The following RTL4 variants were observed in gnomAD, a reference collection of about 807,000 sequenced individuals.
RTL4 encodes retrotransposon Gag like 4.
RTL4 carries 4 observed loss-of-function variants against 5.3 expected under a neutral mutation model. That is an observed-to-expected ratio of 0.75 (90% CI 0.37 to 1.72). The LOEUF (loss-of-function observed/expected upper bound fraction) is 1.72. Among genes scored for constraint, RTL4 ranks in the 40% most tolerant of loss-of-function variants. The pLI is 0.04. For synonymous variants in RTL4, 98 were observed against 87.3 expected (o/e 1.12, Z -0.68); for missense variants, 260 against 227.1 (o/e 1.14, Z -0.93).
chrX:112,421,313 G>T, the RTL4 span, among the ~76,000 whole-genome samples: 1 of 111,525 alleles, frequency 9.0e-6, no homozygotes, highest in Non-Finnish European at 1.9e-5. Flanking sequence ...AGGATAATTT[G>T]TACAAATGTA....
the RTL4 span, among the ~76,000 whole-genome samples, chrX:112,097,473 A>C: frequency 2.7e-5 from 3 of 110,574 alleles, no homozygotes; most frequent in Admixed American, 9.6e-5. Flanking sequence ...TCACCTCTAC[A>C]AAAAATACAA....
chrX:112,332,467 G>A, the RTL4 span, among the ~76,000 whole-genome samples: 1 of 111,039 alleles, frequency 9.0e-6, no homozygotes, highest in South Asian at 3.9e-4. Context: ...TTAAGAAAAT[G>A]TGGCATATAT....
At chrX:112,219,843 C>G in the RTL4 span, among the ~76,000 whole-genome samples, 1 of 111,914 alleles carries the variant, frequency 8.9e-6, no homozygotes, top group African/African-American at 3.2e-5. Flanking sequence ...AGCCTCTGCC[C>G]CTTATACTGG....
chrX:112,243,675 G>A, the RTL4 span, among the ~76,000 whole-genome samples: 1 of 111,334 alleles, frequency 9.0e-6, no homozygotes, highest in Non-Finnish European at 1.9e-5. Flanking sequence ...TTTTTGAAAG[G>A]TTTTTTGTGT....
chrX:112,340,464 C>T, the RTL4 span, among the ~76,000 whole-genome samples: 46 of 109,503 alleles, frequency 4.2e-4, no homozygotes, highest in South Asian at 7.8e-4. Context: ...ATATTCAGAG[C>T]GATTATTAAG....
chrX:112,244,030 G>T, the RTL4 span, among the ~76,000 whole-genome samples: 3 of 112,028 alleles, frequency 2.7e-5, no homozygotes, highest in South Asian at 3.7e-4. Flanking sequence ...TAATCCTGAG[G>T]TCTAATTTGA....
At chrX:112,402,014 C>T in the RTL4 span, among the ~76,000 whole-genome samples, 1 of 112,029 alleles carries the variant, frequency 8.9e-6, no homozygotes, top group African/African-American at 3.2e-5. Context: ...ACTATTTCTG[C>T]CCCCATACCT....
the RTL4 span, among the ~76,000 whole-genome samples, chrX:112,088,004 T>C: frequency 1.8e-5 from 2 of 110,572 alleles, no homozygotes; most frequent in African/African-American, 6.6e-5. Flanking sequence ...CATTTTCTTT[T>C]TTTTTTTTGC....
chrX:112,311,209 T>A, the RTL4 span, among the ~76,000 whole-genome samples: 6 of 110,305 alleles, frequency 5.4e-5, no homozygotes, highest in Non-Finnish European at 9.5e-5. Flanking sequence ...TTGTGTGTGA[T>A]AAGGCTGAGA....
the RTL4 span, among the ~76,000 whole-genome samples, chrX:112,372,162 C>T: frequency 9.0e-6 from 1 of 111,423 alleles, no homozygotes; most frequent in South Asian, 3.8e-4. Context: ...TAACCACTCT[C>T]CTGACTTCTA....
At chrX:112,305,774 T>G in the RTL4 span, among the ~76,000 whole-genome samples, 2 of 112,254 alleles carry the variant, frequency 1.8e-5, no homozygotes, top group Non-Finnish European at 1.9e-5. Flanking sequence ...GTACAGTCAG[T>G]GCTGTACTCT....
chrX:112,216,279 C>T, the RTL4 span, among the ~76,000 whole-genome samples: 1 of 111,505 alleles, frequency 9.0e-6, no homozygotes, highest in Non-Finnish European at 1.9e-5. Context: ...ACTCTTTGGC[C>T]TCTCAAAATC....
the RTL4 span, among the ~76,000 whole-genome samples, chrX:112,131,045 T>C: frequency 4.6e-5 from 5 of 107,702 alleles, no homozygotes; most frequent in African/African-American, 1.8e-4. Flanking sequence ...GTGATCCACC[T>C]GCCTCGGCCT....
chrX:112,136,167 G>C, the RTL4 span, among the ~76,000 whole-genome samples: 1 of 110,840 alleles, frequency 9.0e-6, no homozygotes, highest in Non-Finnish European at 1.9e-5. Context: ...ATTTATTTTT[G>C]TGTGTTGATT....
At chrX:112,170,477 G>A in the RTL4 span, among the ~76,000 whole-genome samples, 1 of 111,627 alleles carries the variant, frequency 9.0e-6, no homozygotes, top group East Asian at 2.8e-4. Flanking sequence ...TCCCTTGTTA[G>A]TTGTATTCCT....
the RTL4 span, among the ~76,000 whole-genome samples, chrX:112,406,668 GA>G: frequency 9.0e-6 from 1 of 110,916 alleles, no homozygotes; most frequent in African/African-American, 3.3e-5. Flanking sequence ...GACACCAACT[GA>G]AGTGGCTAAA....
the RTL4 span, among the ~76,000 whole-genome samples, chrX:112,212,102 C>G: frequency 8.9e-6 from 1 of 112,538 alleles, no homozygotes; most frequent in Admixed American, 9.3e-5. Flanking sequence ...GTGGGCCGGG[C>G]GCGGTGGCTC....
the RTL4 span, among the ~76,000 whole-genome samples, chrX:112,349,875 C>T: frequency 9.2e-6 from 1 of 109,207 alleles, no homozygotes; most frequent in Non-Finnish European, 1.9e-5. Flanking sequence ...TGCCTAATTG[C>T]CCTGGCCAGA....
exon 1 of RTL4, chrX:112,455,094 G>A (rs1926813576): frequency 8.3e-7 from 1 of 1,209,991 alleles, no homozygotes; most frequent in African/African-American, 1.7e-5. Flanking sequence ...GTACCTTACT[G>A]AAGCAATATG....
Sources: allele counts gnomAD v4.1 joint callset (sites outside exome capture counted in the v4.1 genomes callset), GRCh38; gene constraint gnomAD v4.1.1; transcripts MANE v1.5; gene names NCBI Gene and HGNC (gene_info 2026-07-23, HGNC 2026-07-21).